VPS26C: variants seen among roughly 807,000 people sequenced by gnomAD.
The protein encoded by VPS26C is VPS26 endosomal protein sorting factor C.
A neutral mutation model predicts 30.6 loss-of-function variants in VPS26C; 19 were observed. The observed-to-expected ratio is 0.62, with a 90% CI of 0.43 to 0.91. VPS26C has a LOEUF of 0.91. Among genes scored for constraint, VPS26C ranks in the 40% least tolerant of loss-of-function variants. The pLI is 0.00. For missense variants in VPS26C, 318 were observed against 385.1 expected (o/e 0.83, Z 1.46); for synonymous variants, 132 against 151.5 (o/e 0.87, Z 0.95).
At chr21:37,252,900 A>G (rs1474729606) in intron 1 of VPS26C, among the ~76,000 whole-genome samples, 1 of 151,892 alleles carries the variant, frequency 6.6e-6, no homozygotes, top group East Asian at 1.9e-4. Context: ...GACTGAAAAC[A>G]GGGGCTACAA....
chr21:37,255,832 G>A (rs1238598937), intron 1 of VPS26C, among the ~76,000 whole-genome samples: 2 of 139,550 alleles, frequency 1.4e-5, no homozygotes, highest in Non-Finnish European at 1.5e-5. Flanking sequence ...AATATTTAAA[G>A]CCTCATTCTA....
intron 5 of VPS26C, chr21:37,229,136 C>G (rs1392771144): frequency 1.3e-5 from 2 of 152,102 alleles, no homozygotes; most frequent in African/African-American, 4.8e-5. Flanking sequence ...TGATGAGAAG[C>G]CTACAAACCT....
At chr21:37,232,000 C>T in intron 5 of VPS26C, 1 of 210,102 alleles carries the variant, frequency 4.8e-6, no homozygotes, top group East Asian at 1.1e-4. Flanking sequence ...GCAAACTAAA[C>T]ATCCATGGAG....
chr21:37,242,968 T>C (rs937634925), intron 1 of VPS26C, among the ~76,000 whole-genome samples: 2 of 152,160 alleles, frequency 1.3e-5, no homozygotes, highest in Non-Finnish European at 2.9e-5. Flanking sequence ...ATTCTTATAA[T>C]ATACAGGTTT....
rs562246577 is a variant in VPS26C at position 37,225,784 on chromosome 21, C to T, written c.812-158G>A. 3.5e-5 allele frequency: 19 copies of T among 536,842 alleles called. No individual in the cohort carries two copies. The East Asian group carries it at 5.7e-4, about 16-fold the overall frequency. The allele number at this position is 536,842 out of a possible 1,614,324, so 33.3% of individuals were successfully genotyped here. A position where few individuals can be genotyped will look rare whatever the true frequency, so the allele number is the denominator to read the frequency against. On this transcript the variant is annotated intron_variant, in intron 7 of 7. Coordinates refer to ENST00000309117, the MANE Select transcript of VPS26C (RefSeq NM_006052.2). ...CCTCAGCGCCACCCTGACCTTTCAG[C>T]CAAACTTTCAGTGGAGATGACTATG...
rs1602259401 is a variant in VPS26C, at chr21:37,225,953, A to G, written c.812-327T>C. 10 of 323,978 alleles carry G rather than the reference A, an allele frequency of 3.1e-5. No homozygotes were observed. The East Asian group carries it at 4.8e-4, about 15-fold the overall frequency. 20.1% of individuals were successfully genotyped at this position (323,978 alleles called of 1,614,324 possible). On this transcript the variant is annotated intron_variant, in intron 7 of 7. Transcript: ENST00000309117. ...GGATATTCTAGAACCCTTTCAATTCATTTGTATTCCTTTGCCTTATTTTTA... is the reference window on the plus strand; with the variant it reads ...GGATATTCTAGAACCCTTTCAATTCGTTTGTATTCCTTTGCCTTATTTTTA...
intron 1 of VPS26C, among the ~76,000 whole-genome samples, chr21:37,247,393 A>C (rs2148297874): frequency 6.6e-6 from 1 of 152,360 alleles, no homozygotes; most frequent in South Asian, 2.1e-4. Flanking sequence ...TGTTCACAGT[A>C]GGAAATTAAT....
chr21:37,226,213 A>G lies in VPS26C; in HGVS notation c.812-587T>C, dbSNP rs2148279531. ...AACAAAAGGGATGTGTGTGAAGAGG[A>G]AGCACCTGACGACAAACAAGCACCA... On this transcript the variant is annotated intron_variant, in intron 7 of 7. Coordinates refer to ENST00000309117, the MANE Select transcript of VPS26C (RefSeq NM_006052.2). The surrounding 1 kb of genome is among the most constrained non-coding windows in gnomAD (Gnocchi z 4.1). 6.5e-6 allele frequency: 1 copy of G among 154,104 alleles called. No homozygotes were observed. Among genetic ancestry groups the G allele is most frequent in the East Asian group, 1.9e-4 (1 of 5,226 alleles). 9.5% of individuals were successfully genotyped at this position (154,104 alleles called of 1,614,324 possible).
chr21:37,242,156 GTTAATGT>G (rs2086093933), intron 1 of VPS26C, among the ~76,000 whole-genome samples: 1 of 152,182 alleles, frequency 6.6e-6, no homozygotes, highest in Non-Finnish European at 1.5e-5. Context: ...TTGTTTCAAT[GTTAATGT>G]TTAATGTTTA....
Position 37,223,460 on chromosome 21 carries a change from A to G in VPS26C, c.*2084T>C, listed in dbSNP as rs1177026957. On this transcript the variant is annotated 3_prime_UTR_variant, in exon 8 of 8. Coordinates refer to ENST00000309117, the MANE Select transcript of VPS26C (RefSeq NM_006052.2). ...AATCAGTTTATTAAATTACATAGCA[A>G]TATACATCCCAAACCTTTTCTCAAA... is the stretch of plus-strand genomic sequence containing the variant. The G allele has an allele frequency of 2.6e-5, 4 of 152,236 alleles. No individual in the cohort carries two copies. The highest frequency in any genetic ancestry group is 9.6e-5 in the African/African-American group (4 of 41,460). 9.4% of individuals were successfully genotyped at this position (152,236 alleles called of 1,614,324 possible).
chr21:37,235,244 T>C (rs2086007850), intron 3 of VPS26C, among the ~76,000 whole-genome samples: 1 of 152,190 alleles, frequency 6.6e-6, no homozygotes, highest in South Asian at 2.1e-4. Flanking sequence ...GTGATCCACA[T>C]GCCTTGGCCT....
intron 7 of VPS26C, 108 bp from the exon 8 acceptor site, chr21:37,225,734 G>T (rs975120683): frequency 2.2e-6 from 2 of 907,286 alleles, no homozygotes; most frequent in Non-Finnish European, 3.6e-6. Flanking sequence ...GGAGCACCCG[G>T]TGCGGGTGGG....
Position 37,227,806 on chromosome 21 carries a change from C to T in VPS26C, c.659G>A (p.Gly220Glu), listed in dbSNP as rs370860276. ...GTCGCGGGCATAGCCTTCTGCACAC[C>T]CTGCGGGAGGGAGGCCACATCACGC... ...ELQLVRVETC[G>E]CAEGYARDAT... Residue 220 changes from glycine to glutamate, a missense_variant and splice_region_variant, in exon 7 of 8, where the codon GGG (glycine) becomes GAG (glutamate). Coordinates refer to ENST00000309117, the MANE Select transcript of VPS26C (RefSeq NM_006052.2). 126 of 1,613,490 alleles carry T rather than the reference C, an allele frequency of 7.8e-5. No homozygotes were observed. The highest frequency in any genetic ancestry group is 1.2e-4 in the Admixed American group (7 of 59,982).
At chr21:37,261,721 C>G (rs1810499197) in intron 1 of VPS26C, 2 of 151,722 alleles carry the variant, frequency 1.3e-5, no homozygotes, top group South Asian at 4.2e-4. Context: ...CCAATCAAAT[C>G]TTGTGGACAC....
chr21:37,228,179 C>A, intron 6 of VPS26C, 44 bp downstream of exon 6: 1 of 1,593,448 alleles, frequency 6.3e-7, no homozygotes, highest in Non-Finnish European at 8.5e-7. Context: ...GGGTGGCAGT[C>A]GAGGGGGACA....
At chr21:37,267,493 C>G (rs192629319), upstream of VPS26C, 5 of 599,686 alleles carry the variant, frequency 8.3e-6, no homozygotes, top group East Asian at 1.4e-4. Context: ...GCACAAGAGC[C>G]GGCCTTAGTG....
At position 37,238,309 on chromosome 21, in the gene VPS26C, T is replaced by C. The variant is rs1602270361; in HGVS notation, c.351+151A>G. 4 of 857,288 alleles carry C rather than the reference T, an allele frequency of 4.7e-6. No homozygotes were observed. In the Middle Eastern group the frequency reaches 1.1e-3, roughly 227 times the overall value. 53.1% of individuals were successfully genotyped at this position (857,288 alleles called of 1,614,324 possible). A position where few individuals can be genotyped will look rare whatever the true frequency, so the allele number is the denominator to read the frequency against. ...ACATCAAATGCATTTATCAGGGAAA[T>C]GAGAAATTAACGTCGAATATACATG... On this transcript the variant is annotated intron_variant, in intron 3 of 7. Transcript: ENST00000309117.
chr21:37,239,127 G>A (rs549101569), intron 2 of VPS26C, among the ~76,000 whole-genome samples: 3 of 152,324 alleles, frequency 2.0e-5, no homozygotes, highest in African/African-American at 7.2e-5. Context: ...GACCTCCTCA[G>A]CTGGGCCTCC....
At chr21:37,230,426 A>G (rs2085949451) in intron 5 of VPS26C, 1 of 152,260 alleles carries the variant, frequency 6.6e-6, no homozygotes. Flanking sequence ...ATATCCTTCC[A>G]ATAAATCTCT....
Sources: gnomAD v4.1 joint callset for allele counts (sites outside exome capture counted in the v4.1 genomes callset) on GRCh38, gnomAD v4.1.1 for gene constraint, Gnocchi (gnomAD v3.1) non-coding constraint, MANE v1.5 for transcripts, NCBI Gene and HGNC (gene_info 2026-07-23, HGNC 2026-07-21) for gene names.